The following TLN2 variants were observed in gnomAD, a reference collection of about 807,000 sequenced individuals.
TLN2 encodes talin 2.
In TLN2, 118 loss-of-function variants were observed where a neutral mutation model predicts 294.7. That is an observed-to-expected ratio of 0.40 (90% confidence interval 0.34 to 0.47). TLN2 has a LOEUF of 0.47. TLN2 is among the 20% of genes least tolerant of loss of function. The pLI is 0.84. For missense variants in TLN2, 3,083 were observed against 3,282.2 expected (o/e 0.94, Z 1.48); for synonymous variants, 1,431 against 1,304.5 (o/e 1.10, Z -2.09).
chr15:62,442,809 A>G (rs2035623116), intron 1 of TLN2, among the ~76,000 whole-genome samples: 1 of 152,234 alleles, frequency 6.6e-6, no homozygotes. Context: ...TCTAGAGTTC[A>G]GAAGTCCTAA....
intron 22 of TLN2, among the ~76,000 whole-genome samples, chr15:62,712,990 G>T (rs1166287692): frequency 6.6e-6 from 1 of 151,224 alleles, no homozygotes; most frequent in Non-Finnish European, 1.5e-5. Context: ...ATTAAGGCCA[G>T]GCACGGTGGC....
chr15:62,797,763 C>A (rs984603953), intron 48 of TLN2, among the ~76,000 whole-genome samples: 2 of 152,056 alleles, frequency 1.3e-5, no homozygotes, highest in Non-Finnish European at 2.9e-5. Context: ...CTGGTGTGGG[C>A]AGGGGGAGGT....
chr15:62,807,312 C>T (rs1041201941), intron 51 of TLN2, among the ~76,000 whole-genome samples: 7 of 152,192 alleles, frequency 4.6e-5, no homozygotes, highest in African/African-American at 1.7e-4. Flanking sequence ...TATATTCTCT[C>T]ATTTGATCCC....
At chr15:62,392,882 G>A (rs1194182982) in intron 1 of TLN2, among the ~76,000 whole-genome samples, 1 of 152,124 alleles carries the variant, frequency 6.6e-6, no homozygotes, top group Non-Finnish European at 1.5e-5. Context: ...CGATATGAAT[G>A]TCAGCCAAGA....
intron 32 of TLN2, 70 bp from the exon 33 acceptor site, chr15:62,748,281 C>T: frequency 7.6e-6 from 9 of 1,181,002 alleles, no homozygotes; most frequent in Non-Finnish European, 1.1e-5. Flanking sequence ...TCTGGTGAGC[C>T]TGCAAAGCAT....
intron 9 of TLN2, among the ~76,000 whole-genome samples, chr15:62,666,546 A>G (rs1056655499): frequency 6.6e-6 from 1 of 152,240 alleles, no homozygotes; most frequent in Non-Finnish European, 1.5e-5. Context: ...TAATTGAATT[A>G]TAAATTATAG....
intron 4 of TLN2, among the ~76,000 whole-genome samples, chr15:62,647,824 C>T (rs1260519603): frequency 6.6e-6 from 1 of 152,136 alleles, no homozygotes; most frequent in Non-Finnish European, 1.5e-5. Context: ...CTTTCCACTG[C>T]CATTGGAACC....
At chr15:62,721,555 G>C (rs2060150477) in intron 25 of TLN2, among the ~76,000 whole-genome samples, 1 of 151,804 alleles carries the variant, frequency 6.6e-6, no homozygotes. Flanking sequence ...TAATATTTAT[G>C]ATCTGGCACT....
intron 2 of TLN2, among the ~76,000 whole-genome samples, chr15:62,590,794 G>A (rs187921426): frequency 3.9e-5 from 6 of 152,094 alleles, no homozygotes; most frequent in African/African-American, 1.4e-4. Context: ...GCTCTTACTC[G>A]GTAGCTGTAT....
chr15:62,487,725 G>A (rs2038482389), intron 1 of TLN2, among the ~76,000 whole-genome samples: 1 of 151,866 alleles, frequency 6.6e-6, no homozygotes, highest in African/African-American at 2.4e-5. Flanking sequence ...GGGGTCAGGA[G>A]ATAGAAATAC....
intron 52 of TLN2, among the ~76,000 whole-genome samples, chr15:62,814,574 G>A (rs2066943950): frequency 6.6e-6 from 1 of 151,970 alleles, no homozygotes; most frequent in Non-Finnish European, 1.5e-5. Flanking sequence ...ATAGCATTAT[G>A]TATTCATTTA....
In TLN2 at chr15:62,741,986, G is replaced by A. The variant is rs1470158953; in HGVS notation, c.4025+1217G>A. Among the ~76,000 whole-genome samples the A allele has an allele frequency of 9.4e-5, 8 of 84,684 alleles. No individual in the cohort carries two copies. The East Asian group carries it at 3.1e-3, about 32-fold the overall frequency. The allele number at this position is 84,684 out of a possible 152,430, so 55.6% of individuals were successfully genotyped here. On this transcript the variant is annotated intron_variant, in intron 32 of 58. Transcript: ENST00000636159. ...CACATAAGATCTCATGGTACTCATG[G>A]TCCAAACATGTCCTTCCTCCCTCTT...
rs1392313419 is a variant in TLN2 at position 62,679,658 on chromosome 15, G to T, written c.957+4337G>T. ...GGCTAAAGGGTTCAGGGTTCTTTTTGATGTGTTAAAAATATTCTAGAACTG... is the reference window on the plus strand; with the variant it reads ...GGCTAAAGGGTTCAGGGTTCTTTTTTATGTGTTAAAAATATTCTAGAACTG... On this transcript the variant is annotated intron_variant, in intron 11 of 58. Coordinates refer to ENST00000636159, the MANE Select transcript of TLN2 (RefSeq NM_015059.3). 3.3e-5 allele frequency among the ~76,000 whole-genome samples: 5 copies of T among 152,182 alleles called. No individual in the cohort carries two copies. In the East Asian group the frequency reaches 9.6e-4, roughly 29 times the overall value.
chr15:62,414,813 C>T (rs72753825), intron 1 of TLN2, among the ~76,000 whole-genome samples: 6,648 of 141,300 alleles, frequency 0.047, 1,049 homozygotes, highest in Middle Eastern at 0.11. Context: ...GAGTCTACCT[C>T]CAACTTGGCT....
chr15:62,573,789 T>TC (rs397942920), intron 1 of TLN2, among the ~76,000 whole-genome samples: 12 of 150,790 alleles, frequency 8.0e-5, no homozygotes, highest in African/African-American at 2.7e-4. Flanking sequence ...TTTTTTTTTT[T>TC]AAAACAACAG....
chr15:62,799,072 G>A (rs1016425029), intron 48 of TLN2, among the ~76,000 whole-genome samples: 2 of 152,146 alleles, frequency 1.3e-5, no homozygotes, highest in African/African-American at 4.8e-5. Flanking sequence ...GCAATTTAAT[G>A]AGGTAGATGG....
chr15:62,630,079 A>G (rs2049642251), intron 3 of TLN2, among the ~76,000 whole-genome samples: 1 of 152,146 alleles, frequency 6.6e-6, no homozygotes, highest in Non-Finnish European at 1.5e-5. Context: ...CAGAATGATC[A>G]TTAGTAACAC....
At chr15:62,430,088 A>C (rs1316549717) in intron 1 of TLN2, among the ~76,000 whole-genome samples, 1 of 152,220 alleles carries the variant, frequency 6.6e-6, no homozygotes, top group Non-Finnish European at 1.5e-5. Context: ...TGTATATATA[A>C]GTGTACAGAT....
chr15:62,618,763 T>C (rs2048521155), intron 3 of TLN2, among the ~76,000 whole-genome samples: 1 of 152,208 alleles, frequency 6.6e-6, no homozygotes, highest in South Asian at 2.1e-4. Flanking sequence ...AGCTCTCCAG[T>C]TTGTTTCTCC....
Sources: gnomAD v4.1 joint callset for allele counts (sites outside exome capture counted in the v4.1 genomes callset) on GRCh38, gnomAD v4.1.1 for gene constraint, MANE v1.5 for transcripts, NCBI Gene and HGNC (gene_info 2026-07-23, HGNC 2026-07-21) for gene names.